PTPDC1: variants seen among roughly 807,000 people sequenced by gnomAD.
The protein encoded by PTPDC1 is protein tyrosine phosphatase domain containing 1.
In PTPDC1, 53 loss-of-function variants were observed where a neutral mutation model predicts 75.3. That is an observed-to-expected ratio of 0.70 (90% confidence interval 0.56 to 0.88). The LOEUF is 0.88. Ranked by LOEUF, PTPDC1 falls within the 40% of genes least tolerant of loss-of-function variation. The pLI, the probability that PTPDC1 is intolerant of heterozygous loss-of-function variation, is 0.00. For missense variants in PTPDC1, 925 were observed against 998.6 expected, an observed-to-expected ratio of 0.93 and a Z score of 0.99; for synonymous variants, 349 against 366.2, an observed-to-expected ratio of 0.95 and a Z score of 0.54.
chr9:94,077,289 G>A (rs557551049), intron 2 of PTPDC1, among the ~76,000 whole-genome samples: 3 of 152,176 alleles, frequency 2.0e-5, no homozygotes, highest in East Asian at 3.9e-4. Context: ...ATTCTGCAGG[G>A]GACTCCAGAT....
chr9:94,096,269 C>T (rs1259713784), intron 5 of PTPDC1, among the ~76,000 whole-genome samples: 5 of 152,174 alleles, frequency 3.3e-5, no homozygotes, highest in Non-Finnish European at 7.3e-5. Context: ...GGGGAGGGGA[C>T]TCAGCTCTGC....
intron 1 of PTPDC1, among the ~76,000 whole-genome samples, chr9:94,051,317 G>A (rs573113274): frequency 1.3e-5 from 2 of 152,308 alleles, no homozygotes; most frequent in Admixed American, 6.5e-5. Context: ...GCTGGGAGCT[G>A]TAGACTGGAA....
rs1827146915 is a variant in PTPDC1 at position 94,088,221 on chromosome 9, A to G, written c.574A>G (p.Ser192Gly). The G allele has an allele frequency of 3.1e-6, 5 of 1,614,036 alleles. No homozygotes were observed. Among genetic ancestry groups the G allele is most frequent in the East Asian group, 2.2e-5 (1 of 44,872 alleles). The change falls in exon 4 of 9, where the codon AGT becomes GGT. Residue 192 changes from serine to glycine, a missense_variant. Coordinates refer to ENST00000620992, the MANE Select transcript of PTPDC1 (RefSeq NM_001253829.2). ...ASCGNPLEQE[S>G]GFTYLPEAFM... The stretch of plus-strand genomic sequence containing the variant: ...CTGTGGGAACCCTCTGGAACAAGAA[A>G]GTGGCTTCACATACCTTCCTGAGGC...
intron 4 of PTPDC1, among the ~76,000 whole-genome samples, chr9:94,094,468 A>T (rs556714894): frequency 6.6e-6 from 1 of 152,174 alleles, no homozygotes. Context: ...GGAGAACCAC[A>T]GCTCTTTTCA....
intron 2 of PTPDC1, chr9:94,064,930 C>A: frequency 1.3e-6 from 1 of 777,142 alleles, no homozygotes; most frequent in Non-Finnish European, 2.1e-6. Context: ...ATATTGGAAT[C>A]CCAGGTTGCA....
rs571563480 is a variant in PTPDC1, at chr9:94,063,905, C to T, written c.-6-829C>T. Among the ~76,000 whole-genome samples, 13 of 152,116 alleles carry T rather than the reference C, an allele frequency of 8.5e-5. No homozygotes were observed. The South Asian group carries it at 1.2e-3, about 15-fold the overall frequency. Reference sequence around the variant, plus strand: ...ACCTCCCAATAATAGATGTTCAAACCGTAAACATGGTTTTGCCAAGAAAAT... The same window carrying T: ...ACCTCCCAATAATAGATGTTCAAACTGTAAACATGGTTTTGCCAAGAAAAT... On this transcript the variant is annotated intron_variant, in intron 1 of 9. Coordinates refer to the PTPDC1 transcript ENST00000375360.
At chr9:94,061,395 G>A (rs1208130339) in intron 1 of PTPDC1, among the ~76,000 whole-genome samples, 1 of 152,210 alleles carries the variant, frequency 6.6e-6, no homozygotes, top group Non-Finnish European at 1.5e-5. Context: ...TCATTCCAGG[G>A]TCTGGAAGAC....
chr9:94,097,209 TTTATA>T (rs1315634026), intron 5 of PTPDC1, 107 bp from the exon 6 acceptor site: 1 of 742,600 alleles, frequency 1.3e-6, no homozygotes, highest in African/African-American at 1.8e-5. Flanking sequence ...TGTGTCTCTA[TTTATA>T]TGGTTTCTTA....
chr9:94,061,679 G>A (rs2117855634), intron 1 of PTPDC1, among the ~76,000 whole-genome samples: 2 of 152,354 alleles, frequency 1.3e-5, no homozygotes, highest in South Asian at 4.1e-4. Context: ...ACCTTCTTAA[G>A]CAGTGTCCTC....
At chr9:94,036,019 A>ATTT (rs1825251224) in intron 1 of PTPDC1, among the ~76,000 whole-genome samples, 3 of 74,034 alleles carry the variant, frequency 4.1e-5, no homozygotes, top group African/African-American at 1.3e-4. Flanking sequence ...TAATCGGATT[A>ATTT]TTTGTTTTTT....
At chr9:94,060,124 G>T (rs1223204747) in intron 1 of PTPDC1, among the ~76,000 whole-genome samples, 2 of 152,194 alleles carry the variant, frequency 1.3e-5, no homozygotes, top group African/African-American at 2.4e-5. Flanking sequence ...AACTGCTGAT[G>T]TATCATCTGG....
In PTPDC1 at chr9:94,050,585, G is replaced by C. The variant is rs1250221265; in HGVS notation, c.-6-14149G>C. ...TTGTTCCTCTGGAAGTTTTGTCTCA[G>C]AGGAGTACCCGACCATGTGAGGTGT... On this transcript the variant is annotated intron_variant, in intron 1 of 9. Coordinates refer to the PTPDC1 transcript ENST00000375360. Among the ~76,000 whole-genome samples the C allele has an allele frequency of 1.6e-4, 24 of 152,240 alleles. 1 individual carries two copies. Among genetic ancestry groups the C allele is most frequent in the Admixed American group, 1.6e-3 (24 of 15,292 alleles).
chr9:94,056,899 T>C (rs1357713299), intron 1 of PTPDC1, among the ~76,000 whole-genome samples: 2 of 152,160 alleles, frequency 1.3e-5, no homozygotes, highest in African/African-American at 4.8e-5. Context: ...AAAAGGAAAC[T>C]GTAGGACTGA....
intron 1 of PTPDC1, among the ~76,000 whole-genome samples, chr9:94,042,452 G>T (rs924423098): frequency 2.6e-5 from 4 of 152,140 alleles, no homozygotes; most frequent in Admixed American, 1.3e-4. Context: ...GTTTCCCAGT[G>T]CCTATAATAG....
intron 1 of PTPDC1, among the ~76,000 whole-genome samples, chr9:94,052,151 TG>T (rs1476920796): frequency 6.6e-6 from 1 of 152,194 alleles, no homozygotes; most frequent in Non-Finnish European, 1.5e-5. Context: ...TTCACATTGT[TG>T]TGCAAGATAT....
chr9:94,069,522 CTTTTT>C (rs564996961), intron 2 of PTPDC1, among the ~76,000 whole-genome samples: 1 of 135,788 alleles, frequency 7.4e-6, no homozygotes, highest in Non-Finnish European at 1.6e-5. Context: ...ACTTCCAATT[CTTTTT>C]TTTTTTTTTT....
intron 1 of PTPDC1, among the ~76,000 whole-genome samples, chr9:94,036,889 T>C (rs2118388184): frequency 6.6e-6 from 1 of 152,374 alleles, no homozygotes; most frequent in South Asian, 2.1e-4. Context: ...ACGCCTGTTT[T>C]ATCCGGTAAT....
At chr9:94,098,835 A>T (rs1414093592) in intron 6 of PTPDC1, among the ~76,000 whole-genome samples, 1 of 152,218 alleles carries the variant, frequency 6.6e-6, no homozygotes, top group Non-Finnish European at 1.5e-5. Flanking sequence ...CAAGGCATTG[A>T]TATTAGTAGT....
chr9:94,085,894 T>G (rs1564026676), intron 2 of PTPDC1, among the ~76,000 whole-genome samples: 1 of 152,226 alleles, frequency 6.6e-6, no homozygotes, highest in Non-Finnish European at 1.5e-5. Context: ...GTGGTACAAG[T>G]TGTCAGCTCA....
Sources: allele counts gnomAD v4.1 joint callset (sites outside exome capture counted in the v4.1 genomes callset), GRCh38; gene constraint gnomAD v4.1.1; transcripts MANE v1.5; gene names NCBI Gene and HGNC (gene_info 2026-07-23, HGNC 2026-07-21).